Variants in GRIP1 observed in about 807,000 individuals in gnomAD.
GRIP1 encodes glutamate receptor-interacting protein 1.
In GRIP1, 45 loss-of-function variants were observed where a neutral mutation model predicts 129.9. That is an observed-to-expected ratio of 0.35 (90% CI 0.27 to 0.44). The LOEUF (loss-of-function observed/expected upper bound fraction) is 0.44. Ranked by LOEUF, GRIP1 falls within the 20% of genes least tolerant of loss-of-function variation. The pLI is 1.00. For synonymous variants in GRIP1, 530 were observed against 520.8 expected (o/e 1.02, Z -0.24); for missense variants, 1,196 against 1,396.8 (o/e 0.86, Z 2.29).
chr12:67,057,358 G>A (rs1366506400), intron 1 of GRIP1, among the ~76,000 whole-genome samples: 1 of 148,376 alleles, frequency 6.7e-6, no homozygotes, highest in East Asian at 2.0e-4. Context: ...ACAGCAAGAA[G>A]ACAGTCATCT....
chr12:67,067,784 T>C (rs1592538919), intron 1 of GRIP1, among the ~76,000 whole-genome samples: 1 of 152,132 alleles, frequency 6.6e-6, no homozygotes, highest in Non-Finnish European at 1.5e-5. Flanking sequence ...CCACCGTCCA[T>C]ACCAGCTCAC....
intron 1 of GRIP1, among the ~76,000 whole-genome samples, chr12:66,741,454 T>C (rs2036784702): frequency 6.6e-6 from 1 of 152,140 alleles, no homozygotes; most frequent in Admixed American, 6.6e-5. Flanking sequence ...ATTCAGAAAG[T>C]TAACTTGTCG....
chr12:66,378,522 C>T lies in GRIP1; in HGVS notation c.2621+758G>A, dbSNP rs192942343. Among the ~76,000 whole-genome samples the T allele has an allele frequency of 1.9e-3, 287 of 151,872 alleles. 2 individuals are homozygous for T. The highest frequency in any genetic ancestry group is 6.0e-3 in the African/African-American group (250 of 41,404). On this transcript the variant is annotated intron_variant, in intron 20 of 24. Coordinates refer to ENST00000359742, the MANE Select transcript of GRIP1 (RefSeq NM_001366722.1). ...CAGCACTTTGGGAAGCTGAGGCAGG[C>T]GGATCATGAGGGTCAGGAGTTCGAG... is the stretch of plus-strand genomic sequence containing the variant.
intron 1 of GRIP1, among the ~76,000 whole-genome samples, chr12:66,781,569 A>G (rs2136788548): frequency 6.6e-6 from 1 of 152,308 alleles, no homozygotes; most frequent in East Asian, 1.9e-4. Flanking sequence ...ACATCTCCAC[A>G]ATCTAATTTT....
chr12:66,607,348 T>G (rs931712622), intron 1 of GRIP1, among the ~76,000 whole-genome samples: 16 of 152,192 alleles, frequency 1.1e-4, no homozygotes, highest in African/African-American at 3.9e-4. Flanking sequence ...TGGCTGAATT[T>G]ATTTCTCTAA....
At chr12:66,727,394 T>C (rs1006492333) in intron 1 of GRIP1, among the ~76,000 whole-genome samples, 1 of 152,222 alleles carries the variant, frequency 6.6e-6, no homozygotes, top group African/African-American at 2.4e-5. Flanking sequence ...CACATGCTTC[T>C]GCTCAGTCCT....
chr12:66,804,645 C>T (rs889641757), upstream of GRIP1, among the ~76,000 whole-genome samples: 2 of 151,978 alleles, frequency 1.3e-5, no homozygotes, highest in South Asian at 2.1e-4. Context: ...AAGGGAGGGC[C>T]GGGGAAACAC....
chr12:66,518,194 C>A lies in GRIP1; in HGVS notation c.503-218G>T, dbSNP rs1045141661. On this transcript the variant is annotated intron_variant, in intron 5 of 24. Coordinates refer to ENST00000359742, the MANE Select transcript of GRIP1 (RefSeq NM_001366722.1). ...TCTCCATCTTTCAATAAATATATGG[C>A]TGTAACCAGGTAATATATAAAGTAT... is the stretch of plus-strand genomic sequence containing the variant. Among the ~76,000 whole-genome samples the A allele has an allele frequency of 7.2e-5, 11 of 152,156 alleles. 1 individual carries two copies. In the South Asian group the frequency reaches 2.1e-3, roughly 29 times the overall value.
intron 16 of GRIP1, among the ~76,000 whole-genome samples, chr12:66,402,778 T>C (rs1248853400): frequency 1.3e-5 from 2 of 152,218 alleles, no homozygotes; most frequent in African/African-American, 4.8e-5. Context: ...AATGTGATAG[T>C]TCTAATCACC....
intron 1 of GRIP1, among the ~76,000 whole-genome samples, chr12:67,067,895 G>A (rs997327345): frequency 2.6e-5 from 4 of 152,080 alleles, no homozygotes; most frequent in African/African-American, 7.2e-5. Context: ...ACGCTGCGCC[G>A]CTTAACCTCA....
rs765478454 is a variant in GRIP1 at position 66,596,905 on chromosome 12, G to A, written c.78C>T (p.Ser26=). ...CATCAGGCGGCTTTGTCTGGCTGGCGGATTTAGTGTAGGGACTCTCATCTG... is the reference window on the plus strand; with the variant it reads ...CATCAGGCGGCTTTGTCTGGCTGGCAGATTTAGTGTAGGGACTCTCATCTG... ...LTKDESPYTK[S]ASQTKPPDGA... is the part of the protein sequence containing the mutation. The change falls in exon 2 of 25, where the codon TCC becomes TCT. Residue 26 remains serine (S), a synonymous_variant. Transcript: ENST00000359742. The A allele has an allele frequency of 6.3e-5, 102 of 1,612,824 alleles. No homozygotes were observed. In the East Asian group the frequency reaches 9.8e-4, roughly 16 times the overall value.
At chr12:66,468,589 TA>T (rs2059350364) in intron 7 of GRIP1, among the ~76,000 whole-genome samples, 1 of 151,996 alleles carries the variant, frequency 6.6e-6, no homozygotes, top group Admixed American at 6.6e-5. Flanking sequence ...TTCATTTTTC[TA>T]AAAAGTACTA....
chr12:66,994,660 A>G (rs1018676653), intron 1 of GRIP1, among the ~76,000 whole-genome samples: 2 of 152,098 alleles, frequency 1.3e-5, no homozygotes, highest in African/African-American at 4.8e-5. Flanking sequence ...TGTGAAATCT[A>G]CATTCTGAAT....
intron 5 of GRIP1, among the ~76,000 whole-genome samples, chr12:66,518,661 C>T (rs2060914903): frequency 6.6e-6 from 1 of 152,110 alleles, no homozygotes; most frequent in African/African-American, 2.4e-5. Context: ...AATCTGTGCT[C>T]CCCCAGCGTC....
upstream of GRIP1, among the ~76,000 whole-genome samples, chr12:66,805,109 CAACTT>C (rs143613864): frequency 0.031 from 4,648 of 152,170 alleles, 88 homozygotes; most frequent in Non-Finnish European, 0.043. Context: ...TAATCCAACT[CAACTT>C]AGACTGAACT....
chr12:66,991,087 A>ACT (rs2042388099), intron 1 of GRIP1, among the ~76,000 whole-genome samples: 1 of 151,854 alleles, frequency 6.6e-6, no homozygotes, highest in Non-Finnish European at 1.5e-5. Context: ...CCTGGCTAAC[A>ACT]GGGTGAAATC....
rs150384654 is a variant in GRIP1 at position 66,460,289 on chromosome 12, G to A, written c.1042+2635C>T. On this transcript the variant is annotated intron_variant, in intron 9 of 24. Transcript: ENST00000359742. ...GGTTCTTGTATCATTCCATGGTGAC[G>A]TCACTACTGCAGTCTCAAGAGATAT... Among the ~76,000 whole-genome samples, 18 of 152,248 alleles carry A rather than the reference G, an allele frequency of 1.2e-4. 1 individual carries two copies. In the East Asian group the frequency reaches 2.1e-3, roughly 18 times the overall value.
intron 1 of GRIP1, among the ~76,000 whole-genome samples, chr12:67,016,106 T>C (rs1164612356): frequency 2.0e-5 from 3 of 152,240 alleles, no homozygotes; most frequent in African/African-American, 7.2e-5. Context: ...TAGCTGTCTA[T>C]ATATTTGCTT....
At chr12:66,659,244 C>G (rs765400056) in intron 1 of GRIP1, among the ~76,000 whole-genome samples, 12 of 152,208 alleles carry the variant, frequency 7.9e-5, no homozygotes, top group Non-Finnish European at 1.3e-4. Context: ...CCTCTGTTAA[C>G]TTTCTGCATA....
Sources: gnomAD v4.1 joint callset for allele counts (sites outside exome capture counted in the v4.1 genomes callset) on GRCh38, gnomAD v4.1.1 for gene constraint, MANE v1.5 for transcripts, NCBI Gene and HGNC (gene_info 2026-07-23, HGNC 2026-07-21) for gene names.